Variants in SPOCK3 observed in about 807,000 individuals in gnomAD.
The protein encoded by SPOCK3 is SPARC (osteonectin), cwcv and kazal like domains proteoglycan 3.
A neutral mutation model predicts 56.6 loss-of-function variants in SPOCK3; 30 were observed. That is an observed-to-expected ratio of 0.53 (90% CI 0.40 to 0.72). The LOEUF (loss-of-function observed/expected upper bound fraction) is 0.72, where lower values mean the gene tolerates loss of function less well. Ranked by LOEUF, SPOCK3 falls within the 30% of genes least tolerant of loss-of-function variation. The pLI is 0.00. For missense variants in SPOCK3, 527 were observed against 530.0 expected (o/e 0.99, Z 0.06); for synonymous variants, 196 against 183.3 (o/e 1.07, Z -0.56).
chr4:167,036,325 A>C (rs921176519), intron 3 of SPOCK3, among the ~76,000 whole-genome samples: 5 of 152,248 alleles, frequency 3.3e-5, no homozygotes, highest in Admixed American at 3.3e-4. Context: ...AAACACCCAA[A>C]GTTTGAAAGT....
At chr4:166,883,362 C>A (rs994114325) in intron 6 of SPOCK3, 3 of 152,114 alleles carry the variant, frequency 2.0e-5, no homozygotes, top group Admixed American at 1.3e-4. Flanking sequence ...TCAGGCTTTG[C>A]AGTTTAATAT....
At chr4:167,211,988 A>C (rs1320620359) in intron 2 of SPOCK3, among the ~76,000 whole-genome samples, 2 of 152,212 alleles carry the variant, frequency 1.3e-5, no homozygotes, top group African/African-American at 4.8e-5. Context: ...CAGTGTAAAC[A>C]TACTGACTCC....
intron 4 of SPOCK3, among the ~76,000 whole-genome samples, chr4:166,914,508 C>A (rs1019204890): frequency 6.6e-6 from 1 of 152,144 alleles, no homozygotes; most frequent in Non-Finnish European, 1.5e-5. Context: ...CGTTGGCTCA[C>A]GCCTGTAATC....
chr4:167,219,242 C>T (rs1370767678), intron 2 of SPOCK3, among the ~76,000 whole-genome samples: 2 of 152,110 alleles, frequency 1.3e-5, no homozygotes, highest in African/African-American at 4.8e-5. Flanking sequence ...TAATTTCACA[C>T]TATACTGTAT....
At chr4:166,870,348 G>C (rs1052139954) in intron 6 of SPOCK3, among the ~76,000 whole-genome samples, 2 of 152,088 alleles carry the variant, frequency 1.3e-5, no homozygotes, top group South Asian at 4.2e-4. Context: ...GACCTAAAAA[G>C]TGCCACCAAT....
At chr4:166,762,565 C>G (rs1340430496) in intron 7 of SPOCK3, among the ~76,000 whole-genome samples, 2 of 152,032 alleles carry the variant, frequency 1.3e-5, no homozygotes, top group Non-Finnish European at 2.9e-5. Flanking sequence ...AAAGCTCAGA[C>G]TCAGTTTGGA....
chr4:166,921,161 A>C (rs564253666), intron 4 of SPOCK3, among the ~76,000 whole-genome samples: 44 of 152,328 alleles, frequency 2.9e-4, no homozygotes, highest in African/African-American at 9.9e-4. Flanking sequence ...TGACAGCTAT[A>C]TTTGAAGTAC....
intron 2 of SPOCK3, among the ~76,000 whole-genome samples, chr4:167,223,647 A>T (rs1273894200): frequency 6.6e-6 from 1 of 151,942 alleles, no homozygotes; most frequent in East Asian, 1.9e-4. Context: ...GATATTACTA[A>T]TTAATACATT....
chr4:167,005,574 G>A (rs1019327760), intron 3 of SPOCK3, among the ~76,000 whole-genome samples: 1 of 135,068 alleles, frequency 7.4e-6, no homozygotes, highest in African/African-American at 2.5e-5. Flanking sequence ...TTTGAGAACA[G>A]GGATGCAGAA....
At chr4:166,936,704 T>G (rs1183248815) in intron 4 of SPOCK3, among the ~76,000 whole-genome samples, 4 of 152,124 alleles carry the variant, frequency 2.6e-5, no homozygotes, top group Non-Finnish European at 5.9e-5. Flanking sequence ...TCTATTTGAT[T>G]AATGATTTAT....
chr4:166,735,606 A>C (rs1354064206), intron 10 of SPOCK3, among the ~76,000 whole-genome samples: 1 of 152,030 alleles, frequency 6.6e-6, no homozygotes, highest in Non-Finnish European at 1.5e-5. Context: ...AAAAAAAAAA[A>C]TGTTTTCCAG....
intron 2 of SPOCK3, among the ~76,000 whole-genome samples, chr4:167,203,705 A>T (rs1733746535): frequency 6.6e-6 from 1 of 152,112 alleles, no homozygotes; most frequent in African/African-American, 2.4e-5. Flanking sequence ...AATCTTGCTG[A>T]AGATGTGGAG....
chr4:167,189,385 C>A (rs530422388), intron 2 of SPOCK3, among the ~76,000 whole-genome samples: 2 of 145,368 alleles, frequency 1.4e-5, no homozygotes, highest in South Asian at 4.3e-4. Context: ...ACCATATGAG[C>A]CAATAATGCC....
At chr4:167,024,794 TAA>T (rs1267293848) in intron 3 of SPOCK3, among the ~76,000 whole-genome samples, 1 of 151,938 alleles carries the variant, frequency 6.6e-6, no homozygotes, top group East Asian at 1.9e-4. Context: ...AAATCACCAC[TAA>T]AGAACTTACT....
At chr4:166,888,712 C>A (rs528876416) in intron 6 of SPOCK3, among the ~76,000 whole-genome samples, 1 of 151,932 alleles carries the variant, frequency 6.6e-6, no homozygotes, top group Non-Finnish European at 1.5e-5. Flanking sequence ...GGGTAGACAT[C>A]TTTATTTAAA....
intron 2 of SPOCK3, among the ~76,000 whole-genome samples, chr4:167,138,781 G>T (rs983453982): frequency 6.6e-6 from 1 of 151,622 alleles, no homozygotes; most frequent in Non-Finnish European, 1.5e-5. Context: ...AAAAAGAAAA[G>T]AACAAATGCA....
chr4:166,874,622 C>T (rs1352673310), intron 6 of SPOCK3, among the ~76,000 whole-genome samples: 3 of 152,134 alleles, frequency 2.0e-5, no homozygotes, highest in African/African-American at 7.2e-5. Flanking sequence ...ACCATGTAAG[C>T]ACACACATGT....
intron 4 of SPOCK3, among the ~76,000 whole-genome samples, chr4:166,976,545 T>C (rs1391686942): frequency 6.6e-6 from 1 of 152,180 alleles, no homozygotes; most frequent in Non-Finnish European, 1.5e-5. Context: ...CCCAAGTGAC[T>C]CAACCTACTT....
intron 6 of SPOCK3, among the ~76,000 whole-genome samples, chr4:166,833,002 TC>T (rs1466110684): frequency 6.6e-6 from 1 of 152,158 alleles, no homozygotes; most frequent in East Asian, 1.9e-4. Flanking sequence ...TACCTCAGCA[TC>T]ATGCAATATA....
Sources: allele counts gnomAD v4.1 joint callset (sites outside exome capture counted in the v4.1 genomes callset), GRCh38; gene constraint gnomAD v4.1.1; transcripts MANE v1.5; gene names NCBI Gene and HGNC (gene_info 2026-07-23, HGNC 2026-07-21).